MSRB3: variants seen among roughly 807,000 people sequenced by gnomAD.
MSRB3 encodes the protein methionine sulfoxide reductase B3.
In MSRB3, 13 loss-of-function variants were observed where a neutral mutation model predicts 21.0. The observed-to-expected ratio is 0.62, with a 90% CI of 0.40 to 0.98. The LOEUF is 0.98. Ranked by LOEUF, MSRB3 falls within the 50% of genes least tolerant of loss-of-function variation. The probability of loss-of-function intolerance (pLI) is 0.00; values close to 1 mark genes in which losing one functional copy is unlikely to be tolerated. For missense variants in MSRB3, 199 were observed against 230.3 expected, an observed-to-expected ratio of 0.86 and a Z score of 0.88; for synonymous variants, 87 against 88.6, an observed-to-expected ratio of 0.98 and a Z score of 0.10.
intron 4 of MSRB3, among the ~76,000 whole-genome samples, chr12:65,335,313 A>G (rs1205407960): frequency 1.3e-5 from 2 of 152,198 alleles, no homozygotes; most frequent in Admixed American, 6.6e-5. Context: ...GTCTGTTAAC[A>G]GTGGATATTA....
Position 65,453,711 on chromosome 12 carries a change from T to C in MSRB3, c.293-17T>C, listed in dbSNP as rs778287765. 3.1e-6 allele frequency: 5 copies of C among 1,594,592 alleles called. No individual in the cohort carries two copies. The highest frequency in any genetic ancestry group is 1.7e-5 in the Admixed American group (1 of 59,960). Reference sequence around the variant, plus strand: ...TCTCTCCTCTCTGCTTTGATTCTTGTGCCTGCTGTGTCCCAGGTTGGCCTT... The same window carrying C: ...TCTCTCCTCTCTGCTTTGATTCTTGCGCCTGCTGTGTCCCAGGTTGGCCTT... On this transcript the variant is annotated splice_polypyrimidine_tract_variant and intron_variant, in intron 5 of 6. Coordinates refer to ENST00000308259, the MANE Select transcript of MSRB3 (RefSeq NM_001031679.3).
intron 4 of MSRB3, among the ~76,000 whole-genome samples, chr12:65,348,239 A>G (rs964906035): frequency 5.9e-5 from 9 of 152,122 alleles, no homozygotes; most frequent in African/African-American, 2.2e-4. Context: ...TTGGTAAGCT[A>G]TTAATTATTG....
At chr12:65,405,145 T>G (rs1223748310) in intron 5 of MSRB3, among the ~76,000 whole-genome samples, 1 of 151,718 alleles carries the variant, frequency 6.6e-6, no homozygotes, top group Non-Finnish European at 1.5e-5. Context: ...TAGAGATGGG[T>G]TTCACCATGT....
At chr12:65,330,761 A>T (rs1050458272) in intron 4 of MSRB3, among the ~76,000 whole-genome samples, 1 of 152,172 alleles carries the variant, frequency 6.6e-6, no homozygotes, top group Non-Finnish European at 1.5e-5. Context: ...AAGTGTTGGT[A>T]AAAAATAGTG....
At chr12:65,351,303 A>G (rs917846191) in intron 4 of MSRB3, among the ~76,000 whole-genome samples, 3 of 149,422 alleles carry the variant, frequency 2.0e-5, no homozygotes, top group African/African-American at 7.7e-5. Flanking sequence ...TCTGGGACAC[A>G]TTCAAAGAAG....
chr12:65,414,505 C>T (rs1033185082), intron 5 of MSRB3, among the ~76,000 whole-genome samples: 7 of 152,212 alleles, frequency 4.6e-5, no homozygotes, highest in South Asian at 2.1e-4. Flanking sequence ...AATCACCTAC[C>T]GTATTCAGTA....
At chr12:65,462,648 G>T (rs145764885) in intron 6 of MSRB3, among the ~76,000 whole-genome samples, 1 of 152,132 alleles carries the variant, frequency 6.6e-6, no homozygotes, top group East Asian at 1.9e-4. Context: ...CCATTGCTTC[G>T]CTGGGTTCCA....
chr12:65,459,895 C>T (rs1239237338), intron 6 of MSRB3, among the ~76,000 whole-genome samples: 1 of 152,070 alleles, frequency 6.6e-6, no homozygotes, highest in African/African-American at 2.4e-5. Context: ...GGGTCCTTTC[C>T]CTTGGTTCTC....
chr12:65,416,758 TCCATAGTTG>T (rs1334017477), intron 5 of MSRB3, among the ~76,000 whole-genome samples: 1 of 152,228 alleles, frequency 6.6e-6, no homozygotes, highest in Non-Finnish European at 1.5e-5. Flanking sequence ...ATATATGCAG[TCCATAGTTG>T]ACCTAACTGT....
At chr12:65,290,055 A>G (rs1872588331) in intron 1 of MSRB3, among the ~76,000 whole-genome samples, 1 of 152,092 alleles carries the variant, frequency 6.6e-6, no homozygotes, top group Non-Finnish European at 1.5e-5. Flanking sequence ...TTTATCCATT[A>G]GGATTCTTGT....
At chr12:65,403,940 G>A (rs10878272) in intron 5 of MSRB3, among the ~76,000 whole-genome samples, 88,960 of 152,058 alleles carry the variant, frequency 0.59, 26,888 homozygotes, top group South Asian at 0.71. Context: ...TGCACCCACT[G>A]TCTAACCAGT....
At chr12:65,337,985 C>T (rs1332385207) in intron 4 of MSRB3, among the ~76,000 whole-genome samples, 1 of 152,166 alleles carries the variant, frequency 6.6e-6, no homozygotes, top group African/African-American at 2.4e-5. Flanking sequence ...GTAGCCCCCA[C>T]CTCTACTCCA....
At chr12:65,292,818 C>G (rs1015186535) in intron 1 of MSRB3, among the ~76,000 whole-genome samples, 1 of 152,052 alleles carries the variant, frequency 6.6e-6, no homozygotes, top group Non-Finnish European at 1.5e-5. Flanking sequence ...GAAGCACTGC[C>G]ATGCTGCCTC....
chr12:65,396,691 CAA>C (rs747120558), intron 5 of MSRB3, among the ~76,000 whole-genome samples: 81 of 23,076 alleles, frequency 3.5e-3, no homozygotes, highest in African/African-American at 8.5e-3. Flanking sequence ...AACTCCATCT[CAA>C]AAAAAAAAAA....
intron 4 of MSRB3, among the ~76,000 whole-genome samples, chr12:65,354,982 G>C (rs192583125): frequency 2.4e-4 from 37 of 151,852 alleles, no homozygotes; most frequent in Admixed American, 1.6e-3. Context: ...TATAATAGGA[G>C]GGGAAGTAGA....
At chr12:65,429,329 C>T (rs893957523) in intron 5 of MSRB3, among the ~76,000 whole-genome samples, 7 of 151,800 alleles carry the variant, frequency 4.6e-5, no homozygotes, top group Non-Finnish European at 8.8e-5. Flanking sequence ...GAGCCAAGGT[C>T]GAAAGTATGA....
chr12:65,368,860 T>C lies in MSRB3; in HGVS notation c.264-138T>C. On this transcript the variant is annotated intron_variant, in intron 4 of 6. Transcript: ENST00000308259. The stretch of plus-strand genomic sequence containing the variant: ...ATGCATATAAAATGATTACAATACA[T>C]ATATATTAACATTTTAGAAATATAC... The C allele has an allele frequency of 6.2e-6, 4 of 642,432 alleles. No homozygotes were observed. The South Asian group carries it at 7.6e-5, about 12-fold the overall frequency. The allele number at this position is 642,432 out of a possible 1,614,324, so 39.8% of individuals were successfully genotyped here. A position where few individuals can be genotyped will look rare whatever the true frequency, so the allele number is the denominator to read the frequency against.
chr12:65,418,393 C>T (rs1881093367), intron 5 of MSRB3, among the ~76,000 whole-genome samples: 1 of 152,094 alleles, frequency 6.6e-6, no homozygotes, highest in Admixed American at 6.5e-5. Flanking sequence ...TGTTATGTTT[C>T]GTATATTACA....
At chr12:65,453,427 T>TGA (rs981398429) in intron 5 of MSRB3, among the ~76,000 whole-genome samples, 9 of 152,206 alleles carry the variant, frequency 5.9e-5, no homozygotes, top group African/African-American at 2.2e-4. Context: ...GAAAGAGTGG[T>TGA]GAGAGAGAGC....
Sources: gnomAD v4.1 joint callset for allele counts (sites outside exome capture counted in the v4.1 genomes callset) on GRCh38, gnomAD v4.1.1 for gene constraint, MANE v1.5 for transcripts, NCBI Gene and HGNC (gene_info 2026-07-23, HGNC 2026-07-21) for gene names.